WASHC2C: variants seen among roughly 807,000 people sequenced by gnomAD.
WASHC2C encodes the protein WASH complex subunit 2C.
In WASHC2C, 73 loss-of-function variants were observed where a neutral mutation model predicts 142.2. The observed-to-expected ratio is 0.51, with a 90% confidence interval of 0.43 to 0.62. WASHC2C has a LOEUF of 0.62. Ranked by LOEUF, WASHC2C falls within the 20% of genes least tolerant of loss-of-function variation. The pLI, the probability that WASHC2C is intolerant of heterozygous loss-of-function variation, is 0.00. For missense variants in WASHC2C, 969 were observed against 1,531.7 expected (o/e 0.63, Z 6.13); for synonymous variants, 337 against 565.5 (o/e 0.60, Z 5.73).
chr10:45,765,027 T>C (rs2055622133), intron 18 of WASHC2C, among the ~76,000 whole-genome samples: 1 of 152,072 alleles, frequency 6.6e-6, no homozygotes, highest in South Asian at 2.1e-4. Context: ...GTTCCCCTTA[T>C]CTGAATAAAA....
Position 45,787,144 on chromosome 10 carries a change from G to T in WASHC2C, c.2984G>T (p.Arg995Met). 16 of 1,581,634 alleles carry T rather than the reference G, an allele frequency of 1.0e-5. No individual in the cohort carries two copies. The highest frequency in any genetic ancestry group is 1.4e-5 in the Non-Finnish European group (16 of 1,159,704). Residue 995 changes from arginine to methionine, a missense_variant, in exon 28 of 31, where the codon AGG becomes ATG. By Grantham distance (91) the Arg-to-Met change is moderately conservative (BLOSUM62 -1). Transcript: ENST00000623400. ...ELAFPSSEHR[R>M]SHGLESVPVL... is the part of the protein sequence containing the mutation. Reference sequence around the variant, plus strand: ...GCTTTTCCTTCATCTGAACACAGAAGGAGCCACGGTCTGGAAAGTGTGCCT... The same window carrying T: ...GCTTTTCCTTCATCTGAACACAGAATGAGCCACGGTCTGGAAAGTGTGCCT...
intron 23 of WASHC2C, among the ~76,000 whole-genome samples, chr10:45,779,937 A>G (rs1227368118): frequency 1.3e-5 from 2 of 151,646 alleles, no homozygotes; most frequent in African/African-American, 4.8e-5. Context: ...GTGAGCCGAG[A>G]TCGCACCACT....
Position 45,784,905 on chromosome 10 carries a change from C to T in WASHC2C, c.2688+4C>T. 4 of 1,598,574 alleles carry T rather than the reference C, an allele frequency of 2.5e-6. No individual in the cohort carries two copies. The highest frequency in any genetic ancestry group is 2.6e-6 in the Non-Finnish European group (3 of 1,174,792). On this transcript the variant is annotated splice_donor_region_variant and intron_variant, in intron 25 of 30. Transcript: ENST00000623400. ...CTCTGCCAAGTCCCAGCCTTTGGTA[C>T]CAGCCTTTTGTTCTCAATACTGGGT...
chr10:45,760,889 T>C (rs1361498150), intron 17 of WASHC2C, among the ~76,000 whole-genome samples: 5 of 150,950 alleles, frequency 3.3e-5, no homozygotes, highest in African/African-American at 2.4e-5. Flanking sequence ...TTGTATTCCC[T>C]ATTTGTATCC....
intron 18 of WASHC2C, among the ~76,000 whole-genome samples, chr10:45,764,813 A>G (rs1261759536): frequency 0.042 from 6,348 of 151,614 alleles, 7 homozygotes; most frequent in East Asian, 0.093. Flanking sequence ...CCGGCACATA[A>G]TAAGTGCATA....
intron 8 of WASHC2C, among the ~76,000 whole-genome samples, chr10:45,747,749 G>C (rs1554871830): frequency 6.7e-6 from 1 of 150,080 alleles, no homozygotes; most frequent in African/African-American, 2.5e-5. Context: ...GTGGCACCAT[G>C]CCCGGCTAAT....
chr10:45,749,900 T>A (rs559317452), intron 8 of WASHC2C, among the ~76,000 whole-genome samples, 196 bp from the exon 9 acceptor site: 30 of 130,442 alleles, frequency 2.3e-4, no homozygotes, highest in Admixed American at 9.6e-4. Flanking sequence ...TTTTATATAT[T>A]TTTTTTCTTA....
intron 19 of WASHC2C, among the ~76,000 whole-genome samples, chr10:45,768,538 C>T (rs1367755706): frequency 1.3e-5 from 2 of 152,146 alleles, no homozygotes; most frequent in African/African-American, 4.8e-5. Flanking sequence ...GTTTGCAAGA[C>T]TCTAGACTCC....
intron 3 of WASHC2C, among the ~76,000 whole-genome samples, chr10:45,733,425 T>A (rs1352053154): frequency 9.2e-4 from 140 of 151,770 alleles, no homozygotes; most frequent in African/African-American, 3.1e-3. Flanking sequence ...CCAGTTCCCC[T>A]CTTTCCCCTT....
Position 45,784,963 on chromosome 10 carries a change from C to T in WASHC2C, c.2688+62C>T, listed in dbSNP as rs150463881. 1.2e-3 allele frequency: 1,951 copies of T among 1,610,698 alleles called. No homozygotes were observed. The African/African-American group carries it at 0.022, about 18-fold the overall frequency. Reference sequence around the variant, plus strand: ...GAAAGATTCTGGGAAAGGAAACTAACGTCCAGTTAGATGATTAAGGAAAAT... The same window carrying T: ...GAAAGATTCTGGGAAAGGAAACTAATGTCCAGTTAGATGATTAAGGAAAAT... On this transcript the variant is annotated intron_variant, in intron 25 of 30. Transcript: ENST00000623400.
chr10:45,766,162 A>G (rs2055778135), intron 19 of WASHC2C, among the ~76,000 whole-genome samples: 2 of 152,030 alleles, frequency 1.3e-5, no homozygotes, highest in African/African-American at 4.8e-5. Context: ...AGTTTACGTA[A>G]GATAAGTTTT....
rs192666566 is a variant in WASHC2C at position 45,783,484 on chromosome 10, T to C, written c.2479-1081T>C. ...TGTTTTGTTTTGTTTTGTTTTGAGATGGAGTCCTACTGTGTTGCCCAGGCT... is the reference window on the plus strand; with the variant it reads ...TGTTTTGTTTTGTTTTGTTTTGAGACGGAGTCCTACTGTGTTGCCCAGGCT... On this transcript the variant is annotated intron_variant, in intron 23 of 30. Transcript: ENST00000623400. Among the ~76,000 whole-genome samples, 212 of 152,324 alleles carry C rather than the reference T, an allele frequency of 1.4e-3. 2 individuals are homozygous for C. The highest frequency in any genetic ancestry group is 4.9e-3 in the African/African-American group (204 of 41,560).
At chr10:45,728,104 A>G (rs59529977) in intron 2 of WASHC2C, among the ~76,000 whole-genome samples, 5,506 of 152,184 alleles carry the variant, frequency 0.036, 223 homozygotes, top group African/African-American at 0.12. Context: ...ATCTTGGCTC[A>G]CTGAATCCTC....
In WASHC2C at chr10:45,792,501, C is replaced by T; in HGVS notation, c.*101C>T. 6.7e-7 allele frequency: 1 copy of T among 1,502,162 alleles called. No homozygotes were observed. Among genetic ancestry groups the T allele is most frequent in the Non-Finnish European group, 9.1e-7 (1 of 1,104,042 alleles). The allele number at this position is 1,502,162 out of a possible 1,614,324, so 93.1% of individuals were successfully genotyped here. A position where few individuals can be genotyped will look rare whatever the true frequency, so the allele number is the denominator to read the frequency against. On this transcript the variant is annotated 3_prime_UTR_variant, in exon 31 of 31. Coordinates refer to ENST00000623400, the MANE Select transcript of WASHC2C (RefSeq NM_001330074.2). The stretch of plus-strand genomic sequence containing the variant: ...TTAACTGGATTACAAAAAGCAAATA[C>T]TAGAACAGCTAGCTCATCTTTTACC...
At chr10:45,734,036 A>G (rs2050913627) in intron 3 of WASHC2C, among the ~76,000 whole-genome samples, 3 of 152,066 alleles carry the variant, frequency 2.0e-5, no homozygotes, top group Admixed American at 6.6e-5. Context: ...ATCCTGACTA[A>G]CACGGTGAAG....
intron 6 of WASHC2C, among the ~76,000 whole-genome samples, chr10:45,744,110 A>G (rs1426644992): frequency 7.0e-6 from 1 of 143,144 alleles, no homozygotes; most frequent in Admixed American, 7.0e-5. Flanking sequence ...CCAGGCTGGA[A>G]TGCAATGGTG....
intron 18 of WASHC2C, among the ~76,000 whole-genome samples, chr10:45,763,842 C>T (rs2055440947): frequency 6.6e-6 from 1 of 151,984 alleles, no homozygotes. Context: ...GCTGGGACTA[C>T]AGGTACGCAC....
At chr10:45,771,148 C>T (rs538407149) in intron 20 of WASHC2C, among the ~76,000 whole-genome samples, 14 of 151,962 alleles carry the variant, frequency 9.2e-5, no homozygotes, top group African/African-American at 2.9e-4. Context: ...AGGCAGATCA[C>T]GAGGTCAGGA....
Position 45,788,977 on chromosome 10 carries a change from C to T in WASHC2C, c.3194C>T (p.Pro1065Leu). ...GAGGACATGAGCGTCCCCAGAGGAC[C>T]CATTGCACAGTGGGCTGATGGCGCC... Reference protein sequence around the residue: ...EAEDMSVPRGPIAQWADGAIS... With the variant: ...EAEDMSVPRGLIAQWADGAIS... Residue 1065 changes from proline to leucine, a missense_variant, in exon 29 of 31, where the codon CCC becomes CTC. Physicochemically the swap from Pro to Leu is moderately conservative, Grantham distance 98. Coordinates refer to ENST00000623400, the MANE Select transcript of WASHC2C (RefSeq NM_001330074.2). The T allele has an allele frequency of 4.3e-6, 7 of 1,611,998 alleles. No homozygotes were observed. The highest frequency in any genetic ancestry group is 5.9e-6 in the Non-Finnish European group (7 of 1,179,856).
Sources: allele counts gnomAD v4.1 joint callset (sites outside exome capture counted in the v4.1 genomes callset), GRCh38; gene constraint gnomAD v4.1.1; transcripts MANE v1.5; gene names NCBI Gene and HGNC (gene_info 2026-07-23, HGNC 2026-07-21).